The following PCLO variants were observed in gnomAD, a reference collection of about 807,000 sequenced individuals.
PCLO encodes piccolo presynaptic cytomatrix protein.
PCLO carries 82 observed loss-of-function variants against 427.5 expected under a neutral mutation model. That is an observed-to-expected ratio of 0.19 (90% CI 0.16 to 0.23). The LOEUF (loss-of-function observed/expected upper bound fraction) is 0.23, where lower values mean the gene tolerates loss of function less well. PCLO is among the 10% of genes least tolerant of loss of function. The pLI is 1.00. For missense variants in PCLO, 6,239 were observed against 6,115.9 expected (o/e 1.02, Z -0.67); for synonymous variants, 2,357 against 2,155.4 (o/e 1.09, Z -2.59).
chr7:82,786,478 GTA>G (rs1221394747), intron 22 of PCLO, among the ~76,000 whole-genome samples: 5 of 152,068 alleles, frequency 3.3e-5, no homozygotes, highest in African/African-American at 1.2e-4. Context: ...ACATAAAATT[GTA>G]TATTTCCATA....
In PCLO at chr7:83,156,330, C is replaced by A. The variant is rs201699382; in HGVS notation, c.311G>T (p.Arg104Leu). 10 of 1,612,632 alleles carry A rather than the reference C, an allele frequency of 6.2e-6. No individual in the cohort carries two copies. Among genetic ancestry groups the A allele is most frequent in the Non-Finnish European group, 8.5e-6 (10 of 1,179,628 alleles). The change falls in exon 2 of 25, where the codon CGT becomes CTT. Residue 104 changes from arginine (R) to leucine (L), a missense_variant. By Grantham distance (102) the Arg-to-Leu change is moderately radical. Around this residue, in one of 5 missense-constraint regions of PCLO, gnomAD observed 4,677 missense variants for 4,468.4 expected, o/e 1.05. Coordinates refer to ENST00000333891, the MANE Select transcript of PCLO (RefSeq NM_033026.6). Reference sequence around the variant, plus strand: ...TTTACTGAGACCAGGTTGAGCTGGACGCCCAGGGTCCGGGGGTCTTCCTGA... The same window carrying A: ...TTTACTGAGACCAGGTTGAGCTGGAAGCCCAGGGTCCGGGGGTCTTCCTGA... ...KQSGRPPDPG[R>L]PAQPGLSKSR...
chr7:82,952,384 G>A lies in PCLO; in HGVS notation c.8569C>T (p.Leu2857=), dbSNP rs1307525836. The A allele has an allele frequency of 6.2e-7, 1 of 1,613,926 alleles. No individual in the cohort carries two copies. Among genetic ancestry groups the A allele is most frequent in the Admixed American group, 1.7e-5 (1 of 60,018 alleles). ...AREEAPINLS[L]GTPAHAVTLA... is the part of the protein sequence containing the mutation. ...GTCACTGCATGTGCTGGAGTACCTAGAGATAAGTTTATTGGTGCTTCTTCC... is the reference window on the plus strand; with the variant it reads ...GTCACTGCATGTGCTGGAGTACCTAAAGATAAGTTTATTGGTGCTTCTTCC... The change falls in exon 5 of 25, where the codon CTA becomes TTA. Residue 2857 remains leucine (L), a synonymous_variant. Coordinates refer to ENST00000333891, the MANE Select transcript of PCLO (RefSeq NM_033026.6).
intron 3 of PCLO, among the ~76,000 whole-genome samples, chr7:82,996,854 T>G (rs753898072): frequency 3.3e-5 from 5 of 151,978 alleles, no homozygotes; most frequent in Admixed American, 2.0e-4. Context: ...TATCTAAGCA[T>G]CTAGCTGAAA....
At chr7:83,160,714 T>C (rs1792413810) in intron 1 of PCLO, among the ~76,000 whole-genome samples, 1 of 152,162 alleles carries the variant, frequency 6.6e-6, no homozygotes, top group Admixed American at 6.5e-5. Context: ...GTGGAAATAA[T>C]GTTTCTCAGC....
intron 6 of PCLO, among the ~76,000 whole-genome samples, chr7:82,934,861 A>C (rs1794914853): frequency 6.6e-6 from 1 of 151,618 alleles, no homozygotes; most frequent in African/African-American, 2.4e-5. Context: ...GCATTCATAA[A>C]TGGTAGATAT....
chr7:83,062,231 G>C (rs1789559778), intron 3 of PCLO, among the ~76,000 whole-genome samples: 1 of 151,978 alleles, frequency 6.6e-6, no homozygotes, highest in Non-Finnish European at 1.5e-5. Flanking sequence ...CACCTAACTG[G>C]GGTCATTATA....
intron 3 of PCLO, among the ~76,000 whole-genome samples, chr7:83,103,753 T>C (rs1790790711): frequency 1.3e-5 from 2 of 151,918 alleles, no homozygotes; most frequent in Admixed American, 6.6e-5. Flanking sequence ...AATCACAATA[T>C]ACAAAACAAC....
chr7:82,809,185 ACAT>A, intron 20 of PCLO, among the ~76,000 whole-genome samples: 1 of 151,814 alleles, frequency 6.6e-6, no homozygotes, highest in Middle Eastern at 3.2e-3. Flanking sequence ...TAATTTCAAG[ACAT>A]CTAATAATTT....
chr7:82,949,502 G>A lies in PCLO; in HGVS notation c.11086C>T (p.Pro3696Ser), dbSNP rs1562874993. 4 of 1,608,688 alleles carry A rather than the reference G, an allele frequency of 2.5e-6. No homozygotes were observed. Among genetic ancestry groups the A allele is most frequent in the Non-Finnish European group, 3.4e-6 (4 of 1,177,526 alleles). ...GTATAGCCCTCGGTATACTGAAAAGGAGCCCTGGAACTTTCGTCTGCTGTT... is the reference window on the plus strand; with the variant it reads ...GTATAGCCCTCGGTATACTGAAAAGAAGCCCTGGAACTTTCGTCTGCTGTT... Reference protein sequence around the residue: ...SPTADESSRAPFQYTEGYTTK... With the variant: ...SPTADESSRASFQYTEGYTTK... The change falls in exon 6 of 25, where the codon CCT (proline) becomes TCT (serine). Residue 3696 changes from proline (P) to serine (S), a missense_variant. Transcript: ENST00000333891.
chr7:82,953,922 G>C lies in PCLO; in HGVS notation c.7031C>G (p.Pro2344Arg). 6.2e-7 allele frequency: 1 copy of C among 1,613,892 alleles called. No individual in the cohort carries two copies. Among genetic ancestry groups the C allele is most frequent in the Non-Finnish European group, 8.5e-7 (1 of 1,179,848 alleles). Reference protein sequence around the residue: ...SLSETVFDHPPSSVIALPMKE... With the variant: ...SLSETVFDHPRSSVIALPMKE... The stretch of plus-strand genomic sequence containing the variant: ...CATTGGAAGGGCTATTACAGAAGAA[G>C]GTGGGTGATCAAACACGGTTTCGGA... Residue 2344 changes from proline (P) to arginine (R), a missense_variant, in exon 5 of 25, where the codon CCT (proline) becomes CGT (arginine). Physicochemically the swap from Pro to Arg is moderately radical, Grantham distance 103. Coordinates refer to ENST00000333891, the MANE Select transcript of PCLO (RefSeq NM_033026.6).
intron 3 of PCLO, among the ~76,000 whole-genome samples, chr7:83,044,557 G>C (rs928436044): frequency 6.6e-6 from 1 of 151,814 alleles, no homozygotes; most frequent in Non-Finnish European, 1.5e-5. Flanking sequence ...TTCCTAAGTC[G>C]GTTTTTTTGT....
chr7:83,150,125 A>G (rs1334869040), intron 2 of PCLO, among the ~76,000 whole-genome samples: 3 of 152,258 alleles, frequency 2.0e-5, no homozygotes, highest in Non-Finnish European at 2.9e-5. Context: ...GAAAATTACC[A>G]AACATTAGGG....
chr7:83,140,356 T>C (rs1791830908), intron 2 of PCLO, among the ~76,000 whole-genome samples: 1 of 152,162 alleles, frequency 6.6e-6, no homozygotes. Flanking sequence ...AATGCCTTTA[T>C]CTATGAAATA....
intron 6 of PCLO, among the ~76,000 whole-genome samples, chr7:82,922,430 C>T (rs1288513459): frequency 6.6e-6 from 1 of 151,912 alleles, no homozygotes; most frequent in East Asian, 1.9e-4. Flanking sequence ...AAATCATGTC[C>T]TTTGTGACAA....
At chr7:82,804,251 A>T (rs1031751815) in intron 21 of PCLO, among the ~76,000 whole-genome samples, 7 of 152,316 alleles carry the variant, frequency 4.6e-5, no homozygotes, top group African/African-American at 1.4e-4. Flanking sequence ...GATTAAGTAC[A>T]AATAACTCTA....
chr7:82,913,901 C>T (rs1794382166), intron 7 of PCLO, among the ~76,000 whole-genome samples: 1 of 151,832 alleles, frequency 6.6e-6, no homozygotes, highest in African/African-American at 2.4e-5. Context: ...AAGGAAAAGG[C>T]TAAATGGGCA....
At chr7:82,939,340 A>T (rs2116373450) in intron 6 of PCLO, among the ~76,000 whole-genome samples, 1 of 152,192 alleles carries the variant, frequency 6.6e-6, no homozygotes, top group African/African-American at 2.4e-5. Context: ...GGTAAATGAC[A>T]ATTTTAATAG....
intron 3 of PCLO, among the ~76,000 whole-genome samples, chr7:82,977,619 G>A (rs2115748371): frequency 6.6e-6 from 1 of 151,864 alleles, no homozygotes; most frequent in African/African-American, 2.4e-5. Flanking sequence ...TCACTATGTT[G>A]GCCAGGCTGG....
intron 3 of PCLO, among the ~76,000 whole-genome samples, chr7:83,101,168 C>T (rs750538962): frequency 1.3e-5 from 2 of 151,640 alleles, no homozygotes; most frequent in Non-Finnish European, 2.9e-5. Context: ...AGCATTATTT[C>T]TATACCACAA....
Sources: allele counts gnomAD v4.1 joint callset (sites outside exome capture counted in the v4.1 genomes callset), GRCh38; gene constraint gnomAD v4.1.1; regional missense constraint gnomAD v4.1.1; transcripts MANE v1.5; gene names NCBI Gene and HGNC (gene_info 2026-07-23, HGNC 2026-07-21).